Variants in SKAP1 observed in about 807,000 individuals in gnomAD.
SKAP1 encodes src kinase-associated phosphoprotein 1.
A neutral mutation model predicts 58.5 loss-of-function variants in SKAP1; 44 were observed. That is an observed-to-expected ratio of 0.75 (90% CI 0.59 to 0.97). The LOEUF (loss-of-function observed/expected upper bound fraction) is 0.97. Among genes scored for constraint, SKAP1 ranks in the 50% least tolerant of loss-of-function variants. The pLI, the probability that SKAP1 is intolerant of heterozygous loss-of-function variation, is 0.00. For missense variants in SKAP1, 390 were observed against 435.2 expected (o/e 0.90, Z 0.92); for synonymous variants, 127 against 149.7 (o/e 0.85, Z 1.11).
intron 11 of SKAP1, among the ~76,000 whole-genome samples, chr17:48,146,401 G>C (rs2143090344): frequency 6.6e-6 from 1 of 151,662 alleles, no homozygotes; most frequent in Middle Eastern, 3.4e-3. Context: ...GCTAAGGCAG[G>C]ATAATCGCTT....
At chr17:48,204,985 C>CTTTCTTTCTT (rs2064782097) in intron 4 of SKAP1, among the ~76,000 whole-genome samples, 1 of 53,344 alleles carries the variant, frequency 1.9e-5, no homozygotes, top group African/African-American at 6.7e-5. Context: ...TTCTTTCTTT[C>CTTTCTTTCTT]TTTCTTTCTT....
At chr17:48,265,834 T>G (rs1284723428) in intron 4 of SKAP1, among the ~76,000 whole-genome samples, 1 of 152,198 alleles carries the variant, frequency 6.6e-6, no homozygotes, top group African/African-American at 2.4e-5. Context: ...AACAGGGAGC[T>G]GGCCATGCTC....
chr17:48,176,799 C>CA (rs573579053), intron 9 of SKAP1, among the ~76,000 whole-genome samples: 10 of 152,014 alleles, frequency 6.6e-5, no homozygotes, highest in Admixed American at 6.6e-4. Context: ...ATTTTGATTA[C>CA]AAAAAAACAT....
chr17:48,182,344 C>G, intron 8 of SKAP1, 50 bp downstream of exon 8: 1 of 1,342,814 alleles, frequency 7.4e-7, no homozygotes, highest in South Asian at 1.2e-5. Context: ...TGCAACATAA[C>G]TTCAACTGCA....
intron 4 of SKAP1, among the ~76,000 whole-genome samples, chr17:48,246,304 C>T (rs2065296117): frequency 1.3e-5 from 2 of 152,148 alleles, no homozygotes. Flanking sequence ...CATCATCCTC[C>T]TACAATTAAG....
chr17:48,145,099 G>C (rs1164995121), intron 11 of SKAP1, among the ~76,000 whole-genome samples: 1 of 151,880 alleles, frequency 6.6e-6, no homozygotes, highest in African/African-American at 2.4e-5. Flanking sequence ...TTGCCACAAA[G>C]TCTTTTTAGA....
chr17:48,263,600 T>C (rs1423953987), intron 4 of SKAP1, among the ~76,000 whole-genome samples: 2 of 152,196 alleles, frequency 1.3e-5, no homozygotes, highest in Non-Finnish European at 2.9e-5. Context: ...GACTGTATAC[T>C]TTAGCCAAGC....
chr17:48,377,481 G>A (rs957672680), intron 2 of SKAP1: 7 of 151,806 alleles, frequency 4.6e-5, no homozygotes, highest in African/African-American at 1.7e-4. Flanking sequence ...AAGAGGCTGA[G>A]GTGGGAGGAC....
chr17:48,291,061 A>G (rs970467782), intron 4 of SKAP1, among the ~76,000 whole-genome samples: 1 of 152,100 alleles, frequency 6.6e-6, no homozygotes, highest in Non-Finnish European at 1.5e-5. Context: ...TGAGGCTGCA[A>G]TGAGTTATGA....
At chr17:48,425,610 C>A (rs1348814324) in intron 1 of SKAP1, among the ~76,000 whole-genome samples, 1 of 152,124 alleles carries the variant, frequency 6.6e-6, no homozygotes, top group African/African-American at 2.4e-5. Flanking sequence ...AGATTCTGAG[C>A]AGCCAAAATA....
intron 4 of SKAP1, among the ~76,000 whole-genome samples, chr17:48,210,058 G>A (rs1280924968): frequency 6.6e-6 from 1 of 152,192 alleles, no homozygotes; most frequent in Non-Finnish European, 1.5e-5. Flanking sequence ...AGAAATCACT[G>A]GGAGGAGGAG....
At chr17:48,187,313 C>T (rs190063213) in intron 6 of SKAP1, among the ~76,000 whole-genome samples, 2 of 152,162 alleles carry the variant, frequency 1.3e-5, no homozygotes, top group Admixed American at 6.5e-5. Context: ...TGTCATCTGG[C>T]TGAAGGGCAT....
chr17:48,189,683 T>G (rs945950394), intron 4 of SKAP1, among the ~76,000 whole-genome samples, 183 bp from the exon 5 acceptor site: 1 of 152,052 alleles, frequency 6.6e-6, no homozygotes, highest in African/African-American at 2.4e-5. Flanking sequence ...TTTTCTTTTT[T>G]TTTTTTTGAG....
At chr17:48,209,232 G>T (rs760231216) in intron 4 of SKAP1, among the ~76,000 whole-genome samples, 21 of 152,094 alleles carry the variant, frequency 1.4e-4, no homozygotes, top group African/African-American at 2.2e-4. Flanking sequence ...GCTACACAAA[G>T]AATACAGTCC....
At position 48,274,017 on chromosome 17, in the gene SKAP1, A is replaced by G. The variant is rs111444669; in HGVS notation, c.280+71888T>C. Among the ~76,000 whole-genome samples, 251 of 152,238 alleles carry G rather than the reference A, an allele frequency of 1.6e-3. 1 individual carries two copies. Among genetic ancestry groups the G allele is most frequent in the African/African-American group, 5.2e-3 (217 of 41,544 alleles). On this transcript the variant is annotated intron_variant, in intron 4 of 12. Coordinates refer to ENST00000336915, the MANE Select transcript of SKAP1 (RefSeq NM_003726.4). The stretch of plus-strand genomic sequence containing the variant: ...TTATTCAGTGCAGCCTCAAATTCCT[A>G]GGCTCAAGGGATCCTCCTGCTTCAG...
chr17:48,272,040 A>G (rs2065640105), intron 4 of SKAP1, among the ~76,000 whole-genome samples: 1 of 152,228 alleles, frequency 6.6e-6, no homozygotes, highest in Non-Finnish European at 1.5e-5. Context: ...TAGATGAATG[A>G]TAGATAACTA....
intron 4 of SKAP1, among the ~76,000 whole-genome samples, chr17:48,259,796 A>G (rs1269942569): frequency 2.6e-5 from 4 of 152,180 alleles, no homozygotes; most frequent in Non-Finnish European, 5.9e-5. Context: ...AATGCCACCT[A>G]CAGTTTTCTT....
intron 3 of SKAP1, among the ~76,000 whole-genome samples, 170 bp downstream of exon 3, chr17:48,363,619 A>T (rs949517551): frequency 1.3e-5 from 2 of 152,238 alleles, no homozygotes; most frequent in Non-Finnish European, 2.9e-5. Context: ...TGTTGCTAAA[A>T]AGCAGGGCAG....
intron 2 of SKAP1, among the ~76,000 whole-genome samples, chr17:48,387,449 T>C (rs1393791192): frequency 6.6e-6 from 1 of 152,240 alleles, no homozygotes; most frequent in South Asian, 2.1e-4. Context: ...TTTCAACATA[T>C]ACTTCATCTC....
Sources: gnomAD v4.1 joint callset for allele counts (sites outside exome capture counted in the v4.1 genomes callset) on GRCh38, gnomAD v4.1.1 for gene constraint, MANE v1.5 for transcripts, NCBI Gene and HGNC (gene_info 2026-07-23, HGNC 2026-07-21) for gene names.